LPIN2: variants seen among roughly 807,000 people sequenced by gnomAD.
LPIN2 encodes phosphatidate phosphatase LPIN2.
LPIN2 carries 55 observed loss-of-function variants against 111.4 expected under a neutral mutation model. That is an observed-to-expected ratio of 0.49 (90% CI 0.40 to 0.62). The LOEUF is 0.62. Among genes scored for constraint, LPIN2 ranks in the 20% least tolerant of loss-of-function variants. The pLI is 0.00. For missense variants in LPIN2, 992 were observed against 1,112.1 expected, an observed-to-expected ratio of 0.89 and a Z score of 1.54; for synonymous variants, 425 against 414.0, an observed-to-expected ratio of 1.03 and a Z score of -0.32.
At chr18:2,996,374 TC>T (rs1361011231) in intron 1 of LPIN2, among the ~76,000 whole-genome samples, 1 of 151,738 alleles carries the variant, frequency 6.6e-6, no homozygotes, top group Non-Finnish European at 1.5e-5. Context: ...TTTTATAATG[TC>T]CATCAATTAC....
intron 1 of LPIN2, among the ~76,000 whole-genome samples, chr18:3,011,452 A>AG (rs77328419): frequency 0.099 from 15,040 of 151,998 alleles, 1,139 homozygotes; most frequent in East Asian, 0.39. Context: ...TGGGAGGCCG[A>AG]GGGGGGCGGA....
intron 1 of LPIN2, among the ~76,000 whole-genome samples, chr18:2,975,793 A>G (rs2078003964): frequency 6.6e-6 from 1 of 152,238 alleles, no homozygotes; most frequent in African/African-American, 2.4e-5. Context: ...AAATCTGATT[A>G]TTTGGCTTAA....
At chr18:2,941,947 G>A (rs1028054263) in intron 4 of LPIN2, among the ~76,000 whole-genome samples, 4 of 152,070 alleles carry the variant, frequency 2.6e-5, no homozygotes, top group African/African-American at 7.2e-5. Flanking sequence ...ACTCTGCAAA[G>A]CATAAAGCGC....
chr18:2,986,874 T>C (rs769049306), intron 1 of LPIN2, among the ~76,000 whole-genome samples: 1 of 152,204 alleles, frequency 6.6e-6, no homozygotes, highest in Non-Finnish European at 1.5e-5. Context: ...GTCACAACTT[T>C]TGGACAACAT....
At position 2,939,586 on chromosome 18, in the gene LPIN2, G is replaced by T; in HGVS notation, c.716C>A (p.Ala239Glu). The change falls in exon 6 of 20, where the codon GCG (alanine) becomes GAG (glutamate). Residue 239 changes from alanine to glutamate, a missense_variant. Physicochemically the swap from Ala to Glu is moderately radical, Grantham distance 107 (BLOSUM62 -1). Transcript: ENST00000677752. ...SPLETTYPQT[A>E]CPKSDSELEV... is the part of the protein sequence containing the mutation. ...CAGCTCTGAATCACTCTTAGGACAC[G>T]CTGTCTGGGGATAGGTGCTGCAAAG... 1 of 1,613,472 alleles carries T rather than the reference G, an allele frequency of 6.2e-7. No individual in the cohort carries two copies. The highest frequency in any genetic ancestry group is 8.5e-7 in the Non-Finnish European group (1 of 1,179,724).
chr18:2,996,924 A>G (rs17637670), intron 1 of LPIN2, among the ~76,000 whole-genome samples: 17,691 of 152,228 alleles, frequency 0.12, 1,222 homozygotes, highest in South Asian at 0.17. Context: ...AAACTTCTGC[A>G]TAAGAGGTGC....
intron 1 of LPIN2, chr18:2,990,888 C>T: frequency 1.9e-6 from 1 of 531,150 alleles, no homozygotes; most frequent in Non-Finnish European, 3.7e-6. Context: ...TCTTCTGGGT[C>T]CTCCTCATCC....
chr18:2,951,051 C>CT lies in LPIN2; in HGVS notation c.590+3dup. The stretch of plus-strand genomic sequence containing the variant: ...CAAGACCCTTCCCAGGCTGAGAGTC[C>CT]TACCGTGCTGCCTGGGCCCCCTTGT... On this transcript the variant is annotated splice_donor_region_variant and intron_variant, in intron 4 of 19. Coordinates refer to ENST00000677752, the MANE Select transcript of LPIN2 (RefSeq NM_001375808.2). 6.2e-7 allele frequency: 1 copy of CT among 1,613,998 alleles called. No homozygotes were observed. Among genetic ancestry groups the CT allele is most frequent in the Non-Finnish European group, 8.5e-7 (1 of 1,180,032 alleles).
chr18:2,950,616 A>C (rs944616231), intron 4 of LPIN2: 2 of 244,374 alleles, frequency 8.2e-6, no homozygotes, highest in South Asian at 1.1e-4. Flanking sequence ...GCAGCGATCA[A>C]GACTGCTCAT....
Position 2,931,374 on chromosome 18 carries a change from G to A in LPIN2, c.1338C>T (p.Ser446=), listed in dbSNP as rs753669833. ...CGCTATCTGCAGCTGCGCTTCCCAC[G>A]GACTGTGGGGACTGGGAGCCAGAGA... ...DTLSGSQSPQ[S]VGSAAADSGT... Residue 446 remains serine, a synonymous_variant, in exon 9 of 20, where the codon TCC becomes TCT. Transcript: ENST00000677752. 23 of 1,612,062 alleles carry A rather than the reference G, an allele frequency of 1.4e-5. No homozygotes were observed. The highest frequency in any genetic ancestry group is 6.7e-5 in the African/African-American group (5 of 75,022).
intron 1 of LPIN2, among the ~76,000 whole-genome samples, chr18:2,992,007 C>CAAA (rs60252505): frequency 7.0e-6 from 1 of 142,144 alleles, no homozygotes. Flanking sequence ...GACTCCATCT[C>CAAA]AAAAAAAAAA....
chr18:2,986,561 A>AG (rs2078189597), intron 1 of LPIN2, among the ~76,000 whole-genome samples: 1 of 151,354 alleles, frequency 6.6e-6, no homozygotes, highest in South Asian at 2.1e-4. Flanking sequence ...AAAAAAAAAA[A>AG]AAGAAAGACT....
At chr18:2,966,382 T>A (rs1261990230) in intron 1 of LPIN2, among the ~76,000 whole-genome samples, 5 of 152,240 alleles carry the variant, frequency 3.3e-5, no homozygotes, top group Admixed American at 3.3e-4. Flanking sequence ...CTCTCATGTG[T>A]CAAGTGCTAT....
chr18:2,934,017 A>G (rs2077250048), intron 8 of LPIN2, among the ~76,000 whole-genome samples: 1 of 152,260 alleles, frequency 6.6e-6, no homozygotes, highest in Non-Finnish European at 1.5e-5. Flanking sequence ...AAAACACATA[A>G]TAAAATAAAT....
At chr18:2,972,320 T>C (rs1478023024) in intron 1 of LPIN2, 1 of 152,096 alleles carries the variant, frequency 6.6e-6, no homozygotes, top group Non-Finnish European at 1.5e-5. Context: ...CAGCAGCAAC[T>C]CGCGGCAGAG....
At chr18:2,927,877 T>C (rs577722506) in intron 11 of LPIN2, 66 bp from the exon 12 acceptor site, 3 of 1,300,708 alleles carry the variant, frequency 2.3e-6, no homozygotes, top group South Asian at 2.4e-5. Context: ...CCTTCTATGC[T>C]AGCCTGAAGG....
intron 4 of LPIN2, among the ~76,000 whole-genome samples, chr18:2,943,439 T>TGC (rs2077396542): frequency 1.3e-5 from 2 of 148,912 alleles, no homozygotes; most frequent in Non-Finnish European, 3.0e-5. Context: ...CGTGTGTGTG[T>TGC]GTGTGTGTGT....
Position 2,925,141 on chromosome 18 carries a change from G to A in LPIN2, c.1938+83C>T, listed in dbSNP as rs769820567. The A allele has an allele frequency of 4.4e-5, 67 of 1,531,918 alleles. No individual in the cohort carries two copies. Among genetic ancestry groups the A allele is most frequent in the Non-Finnish European group, 5.2e-5 (58 of 1,109,346 alleles). The allele number at this position is 1,531,918 out of a possible 1,614,324, so 94.9% of individuals were successfully genotyped here. The stretch of plus-strand genomic sequence containing the variant: ...GTGTGGCGTGTATGCAGCTGGGGAC[G>A]TGTGGACAGAAGAGGATGTGCATCA... On this transcript the variant is annotated intron_variant, in intron 14 of 19. Coordinates refer to ENST00000677752, the MANE Select transcript of LPIN2 (RefSeq NM_001375808.2). This position sits in a 1 kb window ranked among gnomAD's most constrained non-coding sequence, Gnocchi z 4.1.
In LPIN2 at chr18:2,922,327, T is replaced by C. The variant is rs1390653207; in HGVS notation, c.2175-128A>G. On this transcript the variant is annotated intron_variant, in intron 16 of 19. Transcript: ENST00000677752. The stretch of plus-strand genomic sequence containing the variant: ...TCTCACTCTGTTACCCAGGCTGGAG[T>C]GCTGTGGCGCCATCTCGGCTCACTG... 4.5e-5 allele frequency: 49 copies of C among 1,090,536 alleles called. No homozygotes were observed. The South Asian group carries it at 6.8e-4, about 15-fold the overall frequency. 67.6% of individuals were successfully genotyped at this position (1,090,536 alleles called of 1,614,324 possible). A position where few individuals can be genotyped will look rare whatever the true frequency, so the allele number is the denominator to read the frequency against.
Sources: allele counts gnomAD v4.1 joint callset (sites outside exome capture counted in the v4.1 genomes callset), GRCh38; gene constraint gnomAD v4.1.1; non-coding constraint Gnocchi (gnomAD v3.1); transcripts MANE v1.5; gene names NCBI Gene and HGNC (gene_info 2026-07-23, HGNC 2026-07-21).